IL1RAPL2: variants seen among roughly 807,000 people sequenced by gnomAD.
The protein encoded by IL1RAPL2 is interleukin 1 receptor accessory protein like 2, also known as X-linked interleukin-1 receptor accessory protein-like 2.
IL1RAPL2 carries 3 observed loss-of-function variants against 44.1 expected under a neutral mutation model. The ratio of observed to expected loss-of-function variants is 0.07; its 90% confidence interval spans 0.03 to 0.18. The LOEUF is 0.18. Ranked by LOEUF, IL1RAPL2 falls within the 10% of genes least tolerant of loss-of-function variation. IL1RAPL2 has a pLI of 1.00. For synonymous variants in IL1RAPL2, 181 were observed against 178.8 expected (o/e 1.01, Z -0.10); for missense variants, 391 against 496.4 (o/e 0.79, Z 2.02).
At chrX:105,075,786 G>A (rs540046107) in intron 2 of IL1RAPL2, among the ~76,000 whole-genome samples, 4 of 111,567 alleles carry the variant, frequency 3.6e-5, no homozygotes, top group Non-Finnish European at 5.6e-5. Flanking sequence ...TGTATGTGTC[G>A]AGGAATTTAT....
intron 5 of IL1RAPL2, among the ~76,000 whole-genome samples, chrX:105,276,211 G>A (rs779818007): frequency 8.9e-6 from 1 of 111,785 alleles, no homozygotes; most frequent in African/African-American, 3.3e-5. Context: ...TTTGAGACCA[G>A]CCTGACCAAC....
intron 6 of IL1RAPL2, among the ~76,000 whole-genome samples, chrX:105,488,682 C>T (rs969366179): frequency 1.3e-4 from 15 of 111,797 alleles, no homozygotes; most frequent in African/African-American, 4.6e-4. Context: ...AAATGAGACA[C>T]GTTTTAGGAA....
chrX:104,672,814 T>C (rs1324056066), intron 2 of IL1RAPL2, among the ~76,000 whole-genome samples: 1 of 110,806 alleles, frequency 9.0e-6, no homozygotes, highest in African/African-American at 3.3e-5. Context: ...TGGTATCTCA[T>C]TGTGGTTTTG....
intron 2 of IL1RAPL2, among the ~76,000 whole-genome samples, chrX:104,937,195 T>G (rs966741844): frequency 4.4e-4 from 50 of 112,605 alleles, no homozygotes; most frequent in African/African-American, 1.6e-3. Context: ...GAAAATGCTA[T>G]TGTAAGAAAT....
intron 5 of IL1RAPL2, among the ~76,000 whole-genome samples, chrX:105,473,767 G>A (rs1269332368): frequency 1.8e-5 from 2 of 111,853 alleles, no homozygotes; most frequent in African/African-American, 6.5e-5. Context: ...TTGCCTTTAT[G>A]AACTTTGGTT....
chrX:104,625,732 C>T (rs181579981), intron 1 of IL1RAPL2, among the ~76,000 whole-genome samples: 4 of 111,330 alleles, frequency 3.6e-5, no homozygotes, highest in Admixed American at 9.7e-5. Flanking sequence ...TGTGGCCCCT[C>T]GTCTGTGCCA....
At chrX:104,797,611 C>G (rs1932858821) in intron 2 of IL1RAPL2, among the ~76,000 whole-genome samples, 1 of 111,359 alleles carries the variant, frequency 9.0e-6, no homozygotes, top group Admixed American at 9.5e-5. Context: ...TTTGGAAGCC[C>G]CCTTTTCATA....
intron 5 of IL1RAPL2, among the ~76,000 whole-genome samples, chrX:105,468,991 G>A (rs180963415): frequency 2.7e-5 from 3 of 111,769 alleles, no homozygotes; most frequent in African/African-American, 9.7e-5. Context: ...AACTCCAACT[G>A]CAAAAGCACA....
At chrX:104,766,789 T>G (rs1279877516) in intron 2 of IL1RAPL2, among the ~76,000 whole-genome samples, 1 of 112,120 alleles carries the variant, frequency 8.9e-6, no homozygotes, top group East Asian at 2.8e-4. Flanking sequence ...AAAGTACACA[T>G]GAAAAGATGA....
At chrX:105,465,796 G>A (rs1448285556) in intron 5 of IL1RAPL2, among the ~76,000 whole-genome samples, 5 of 111,617 alleles carry the variant, frequency 4.5e-5, no homozygotes, top group African/African-American at 1.6e-4. Context: ...ACTTTTCTGT[G>A]CAAGGGGCTT....
intron 5 of IL1RAPL2, among the ~76,000 whole-genome samples, chrX:105,466,328 T>G (rs1311014802): frequency 9.0e-6 from 1 of 111,227 alleles, no homozygotes; most frequent in Non-Finnish European, 1.9e-5. Flanking sequence ...AAATGAATAT[T>G]ATATTGACTC....
At position 105,219,942 on chromosome X, in the gene IL1RAPL2, A is replaced by G. The variant is rs782379050; in HGVS notation, c.357-13876A>G. ...GGGACCAGTTGAGGGATCTTACTGC[A>G]TGGAGCGGCTTCCAACTCACCTTGT... is the stretch of plus-strand genomic sequence containing the variant. On this transcript the variant is annotated intron_variant, in intron 3 of 10. Coordinates refer to ENST00000372582, the MANE Select transcript of IL1RAPL2 (RefSeq NM_017416.2). 1.5e-5 allele frequency: 18 copies of G among 1,178,968 alleles called. No individual in the cohort carries two copies. In the African/African-American group the frequency reaches 2.1e-4, roughly 14 times the overall value.
intron 5 of IL1RAPL2, among the ~76,000 whole-genome samples, chrX:105,446,502 G>A (rs1204756611): frequency 9.0e-6 from 1 of 110,510 alleles, no homozygotes; most frequent in African/African-American, 3.3e-5. Context: ...TTTTAGCAAA[G>A]GTGATTTTCT....
chrX:105,659,268 C>T (rs189956690), intron 6 of IL1RAPL2, among the ~76,000 whole-genome samples: 4 of 111,450 alleles, frequency 3.6e-5, no homozygotes, highest in Non-Finnish European at 5.7e-5. Flanking sequence ...ACCTTTCAGA[C>T]GGAGAATTCA....
At position 105,542,698 on chromosome X, in the gene IL1RAPL2, TATTTATTTA is replaced by T. The variant is rs1569452462; in HGVS notation, c.772+58312_772+58320del. Among the ~76,000 whole-genome samples, 131 of 87,079 alleles carry T rather than the reference TATTTATTTA, an allele frequency of 1.5e-3. 1 individual carries two copies. The highest frequency in any genetic ancestry group is 4.7e-3 in the African/African-American group (125 of 26,774). 75.6% of individuals were successfully genotyped at this position (87,079 alleles called of 115,157 possible). ...TTTTTTATTTTTTATATTTTTTATT[TATTTATTTA>T]TTTATTTATTTATTTATTTATTTAA... On this transcript the variant is annotated intron_variant, in intron 6 of 10. Transcript: ENST00000372582.
At chrX:104,625,763 G>A (rs1929493338) in intron 1 of IL1RAPL2, among the ~76,000 whole-genome samples, 1 of 111,579 alleles carries the variant, frequency 9.0e-6, no homozygotes, top group Non-Finnish European at 1.9e-5. Context: ...TGAAACCAGA[G>A]AAGGCTAGAT....
At chrX:104,996,416 T>C (rs2030749180) in intron 2 of IL1RAPL2, among the ~76,000 whole-genome samples, 1 of 111,682 alleles carries the variant, frequency 9.0e-6, no homozygotes, top group Non-Finnish European at 1.9e-5. Context: ...AGTCCATAGG[T>C]TCAGGAAATA....
At chrX:104,636,719 C>T (rs775885349) in intron 1 of IL1RAPL2, among the ~76,000 whole-genome samples, 108 of 112,175 alleles carry the variant, frequency 9.6e-4, no homozygotes, top group South Asian at 4.9e-3. Flanking sequence ...GGTAGTGACC[C>T]GATTTTCCAG....
chrX:105,374,765 G>A (rs750371424), intron 5 of IL1RAPL2, among the ~76,000 whole-genome samples: 2 of 108,698 alleles, frequency 1.8e-5, no homozygotes, highest in East Asian at 2.9e-4. Flanking sequence ...TGGCTAACAC[G>A]GTGAAACCCT....
Sources: allele counts gnomAD v4.1 joint callset (sites outside exome capture counted in the v4.1 genomes callset), GRCh38; gene constraint gnomAD v4.1.1; transcripts MANE v1.5; gene names NCBI Gene and HGNC (gene_info 2026-07-23, HGNC 2026-07-21).